Variants in BICC1 observed in about 807,000 individuals in gnomAD.
BICC1 encodes the protein protein bicaudal C homolog 1.
BICC1 carries 43 observed loss-of-function variants against 111.0 expected under a neutral mutation model. That is an observed-to-expected ratio of 0.39 (90% CI 0.30 to 0.50). The LOEUF (loss-of-function observed/expected upper bound fraction) is 0.50. Among genes scored for constraint, BICC1 ranks in the 20% least tolerant of loss-of-function variants. The probability of loss-of-function intolerance (pLI) is 0.88; values close to 1 mark genes in which losing one functional copy is unlikely to be tolerated. For synonymous variants in BICC1, 467 were observed against 434.4 expected (o/e 1.07, Z -0.93); for missense variants, 1,091 against 1,203.2 (o/e 0.91, Z 1.38).
chr10:58,788,759 C>T (rs1365736718), intron 6 of BICC1, among the ~76,000 whole-genome samples: 1 of 152,106 alleles, frequency 6.6e-6, no homozygotes, highest in Non-Finnish European at 1.5e-5. Flanking sequence ...GAGTTAGAAA[C>T]TCTCAGGTTT....
intron 1 of BICC1, among the ~76,000 whole-genome samples, chr10:58,561,697 T>A (rs1410855140): frequency 6.6e-6 from 1 of 152,074 alleles, no homozygotes; most frequent in African/African-American, 2.4e-5. Context: ...TCCTTTCTCA[T>A]CCTTGTGTAT....
intron 3 of BICC1, among the ~76,000 whole-genome samples, chr10:58,741,407 A>T (rs1841659885): frequency 6.6e-6 from 1 of 152,212 alleles, no homozygotes; most frequent in South Asian, 2.1e-4. Context: ...ATATTAATAC[A>T]TTTCTCAAAT....
chr10:58,710,170 A>G (rs1178908068), intron 3 of BICC1, among the ~76,000 whole-genome samples: 1 of 152,200 alleles, frequency 6.6e-6, no homozygotes, highest in Non-Finnish European at 1.5e-5. Context: ...TTTTCGGATG[A>G]AGAAACTAAA....
intron 1 of BICC1, among the ~76,000 whole-genome samples, chr10:58,565,112 C>T (rs1843716959): frequency 2.0e-5 from 3 of 152,088 alleles, no homozygotes; most frequent in African/African-American, 7.2e-5. Context: ...CCATTTATAT[C>T]AGTGAAAAAA....
chr10:58,613,981 A>T (rs566875740), intron 1 of BICC1, among the ~76,000 whole-genome samples: 4 of 152,224 alleles, frequency 2.6e-5, no homozygotes, highest in Non-Finnish European at 5.9e-5. Context: ...TATTTTTTTT[A>T]AATGAGCATT....
intron 3 of BICC1, among the ~76,000 whole-genome samples, chr10:58,784,139 G>A (rs1252327341): frequency 2.6e-5 from 4 of 151,868 alleles, no homozygotes; most frequent in Non-Finnish European, 4.4e-5. Flanking sequence ...TTCATAACAT[G>A]TATGTTCTGA....
At chr10:58,675,261 T>C (rs1839303588) in intron 2 of BICC1, among the ~76,000 whole-genome samples, 1 of 152,134 alleles carries the variant, frequency 6.6e-6, no homozygotes, top group African/African-American at 2.4e-5. Flanking sequence ...GAGTATCCAA[T>C]AGGATGCATT....
intron 2 of BICC1, among the ~76,000 whole-genome samples, chr10:58,644,113 G>A (rs1430563284): frequency 6.6e-6 from 1 of 152,082 alleles, no homozygotes; most frequent in African/African-American, 2.4e-5. Flanking sequence ...AGATAAGGTG[G>A]TTATCTGGCC....
At chr10:58,567,527 G>A (rs969850443) in intron 1 of BICC1, among the ~76,000 whole-genome samples, 2 of 149,532 alleles carry the variant, frequency 1.3e-5, no homozygotes, top group Admixed American at 6.7e-5. Flanking sequence ...TATCTTTTAG[G>A]GTATATATAT....
intron 1 of BICC1, among the ~76,000 whole-genome samples, chr10:58,617,271 G>A (rs190944841): frequency 6.6e-6 from 1 of 152,378 alleles, no homozygotes; most frequent in East Asian, 1.9e-4. Context: ...CATGGATAAT[G>A]ACTCCCTGAA....
intron 1 of BICC1, among the ~76,000 whole-genome samples, chr10:58,558,223 A>T (rs1447898835): frequency 2.0e-5 from 3 of 152,106 alleles, no homozygotes; most frequent in African/African-American, 7.2e-5. Context: ...GTTTACTCAT[A>T]TGCATGGGTT....
intron 13 of BICC1, 141 bp downstream of exon 13, chr10:58,800,467 A>T (rs192654145): frequency 5.1e-6 from 4 of 779,734 alleles, no homozygotes; most frequent in African/African-American, 3.5e-5. Flanking sequence ...GAAAGACAAC[A>T]TCCTGAATAA....
At chr10:58,764,151 C>T (rs565701048) in intron 3 of BICC1, among the ~76,000 whole-genome samples, 55 of 152,162 alleles carry the variant, frequency 3.6e-4, no homozygotes, top group African/African-American at 1.1e-3. Context: ...TTCAGTAGAC[C>T]CAGGACTCAT....
At chr10:58,604,504 C>CA (rs1845145648) in intron 1 of BICC1, among the ~76,000 whole-genome samples, 1 of 151,866 alleles carries the variant, frequency 6.6e-6, no homozygotes, top group Non-Finnish European at 1.5e-5. Context: ...ACTAAAAATA[C>CA]AAAAAAATTA....
At chr10:58,613,138 C>T (rs1332503536) in intron 1 of BICC1, among the ~76,000 whole-genome samples, 1 of 152,144 alleles carries the variant, frequency 6.6e-6, no homozygotes, top group East Asian at 1.9e-4. Context: ...AATGCTTTAC[C>T]TGCACATTCA....
chr10:58,704,814 T>A (rs1840342562), intron 3 of BICC1, among the ~76,000 whole-genome samples: 1 of 152,216 alleles, frequency 6.6e-6, no homozygotes, highest in Non-Finnish European at 1.5e-5. Context: ...CATAGGTTTG[T>A]GTTGCATTTC....
rs1285952769 is a variant in BICC1 at position 58,813,858 on chromosome 10, A to G, written c.2405A>G (p.Asn802Ser). 1 of 1,613,984 alleles carries G rather than the reference A, an allele frequency of 6.2e-7. No individual in the cohort carries two copies. Reference sequence around the variant, plus strand: ...TCATCCATGTCCCTTTCACGGTCCAACAGTCGTGAGCACTTGGGAGGTGGA... The same window carrying G: ...TCATCCATGTCCCTTTCACGGTCCAGCAGTCGTGAGCACTTGGGAGGTGGA... ...EGSSMSLSRS[N>S]SREHLGGGSE... is the part of the protein sequence containing the mutation. Residue 802 changes from asparagine to serine, a missense_variant, in exon 18 of 21, where the codon AAC (asparagine) becomes AGC (serine). Physicochemically the swap from Asn to Ser is conservative, Grantham distance 46. Around this residue, in one of 3 missense-constraint regions of BICC1, gnomAD observed 231 missense variants for 256.2 expected, o/e 0.90. Transcript: ENST00000373886.
chr10:58,715,067 CA>C (rs553874247), intron 3 of BICC1, among the ~76,000 whole-genome samples: 12,543 of 123,598 alleles, frequency 0.1, 696 homozygotes, highest in Admixed American at 0.21. Flanking sequence ...GACTCTGTCT[CA>C]AAAAAAAAAA....
At chr10:58,745,612 C>CG (rs60012261) in intron 3 of BICC1, among the ~76,000 whole-genome samples, 4 of 133,828 alleles carry the variant, frequency 3.0e-5, no homozygotes, top group South Asian at 3.0e-4. Context: ...GCCCCCCCCC[C>CG]ACATTTTTTT....
Sources: gnomAD v4.1 joint callset for allele counts (sites outside exome capture counted in the v4.1 genomes callset) on GRCh38, gnomAD v4.1.1 for gene constraint, gnomAD v4.1.1 regional missense constraint, MANE v1.5 for transcripts, NCBI Gene and HGNC (gene_info 2026-07-23, HGNC 2026-07-21) for gene names.